Variants in F5 observed in about 807,000 individuals in gnomAD.
The protein encoded by F5 is coagulation factor V, also known as activated protein c cofactor.
In F5, 138 loss-of-function variants were observed where a neutral mutation model predicts 216.4. The observed-to-expected ratio is 0.64, with a 90% CI of 0.56 to 0.73. The LOEUF (loss-of-function observed/expected upper bound fraction) is 0.73, where lower values mean the gene tolerates loss of function less well. F5 is among the 30% of genes least tolerant of loss of function. The pLI, the probability that F5 is intolerant of heterozygous loss-of-function variation, is 0.00. For missense variants in F5, 2,403 were observed against 2,674.0 expected (o/e 0.90, Z 2.24); for synonymous variants, 916 against 930.7 (o/e 0.98, Z 0.29).
chr1:169,516,349 G>T (rs1247969069), intron 23 of F5, among the ~76,000 whole-genome samples: 1 of 152,144 alleles, frequency 6.6e-6, no homozygotes, highest in Non-Finnish European at 1.5e-5. Context: ...GAGTTTTAGA[G>T]TCATCTAAGA....
rs2101806725 is a variant in F5 at position 169,523,478 on chromosome 1, T to TA, written c.5893-127dup. ...AGCACATAAGATCTTAGCAAACTGA[T>TA]ACAATGACTACATGCAATTCATATT... On this transcript the variant is annotated intron_variant, in intron 20 of 24. Transcript: ENST00000367797. 6 of 1,064,450 alleles carry TA rather than the reference T, an allele frequency of 5.6e-6. No homozygotes were observed. In the South Asian group the frequency reaches 8.2e-5, roughly 14 times the overall value. The allele number at this position is 1,064,450 out of a possible 1,614,324, so 65.9% of individuals were successfully genotyped here.
Position 169,560,706 on chromosome 1 carries a change from C to T in F5, c.434G>A (p.Gly145Asp), listed in dbSNP as rs752741472. 4.5e-5 allele frequency: 72 copies of T among 1,613,430 alleles called. No individual in the cohort carries two copies. Among genetic ancestry groups the T allele is most frequent in the Non-Finnish European group, 6.0e-5 (71 of 1,179,796 alleles). ...ACTCCATTCATAGGTGTATTCTCGG[C>T]CTGGAGCCACAGCGTCGTCCATCTT... ...AEKMDDAVAP[G>D]REYTYEWSIS... Residue 145 changes from glycine (G) to aspartate (D), a missense_variant, in exon 4 of 25, where the codon GGC becomes GAC. By Grantham distance (94) the Gly-to-Asp change is moderately conservative. Transcript: ENST00000367797.
chr1:169,554,754 T>A (rs1256135152), intron 7 of F5, among the ~76,000 whole-genome samples: 1 of 152,246 alleles, frequency 6.6e-6, no homozygotes, highest in Non-Finnish European at 1.5e-5. Context: ...AAAGTAGTAT[T>A]CCCATGAAGT....
chr1:169,580,537 T>C (rs10753787), intron 2 of F5, among the ~76,000 whole-genome samples: 104,818 of 151,896 alleles, frequency 0.69, 37,741 homozygotes, highest in African/African-American at 0.89. Context: ...GCATGTACCA[T>C]CATGCACAAC....
rs1170891368 is a variant in F5 at position 169,586,383 on chromosome 1, A to G, written c.4T>C (p.Phe2Leu). 1.2e-6 allele frequency: 2 copies of G among 1,612,800 alleles called. No homozygotes were observed. Among genetic ancestry groups the G allele is most frequent in the Admixed American group, 3.3e-5 (2 of 59,988 alleles). The change falls in exon 1 of 25, where the codon TTC becomes CTC. Residue 2 changes from phenylalanine (F) to leucine (L), a missense_variant. Phe to Leu is a conservative substitution (Grantham distance 22). This residue lies in a region of F5 where 1,425 missense variants were observed against 1,554.8 expected (regional missense o/e 0.92). Coordinates refer to ENST00000367797, the MANE Select transcript of F5 (RefSeq NM_000130.5). Reference sequence around the variant, plus strand: ...ACCCAGAGGCGTGGGCAGCCTGGGAACATGCTTCCTTTCCTGCTCCCGCTG... The same window carrying G: ...ACCCAGAGGCGTGGGCAGCCTGGGAGCATGCTTCCTTTCCTGCTCCCGCTG... MFPGCPRLWVLV... is the reference protein window; with the variant it reads MLPGCPRLWVLV...
At chr1:169,572,635 C>G (rs548412218) in intron 2 of F5, among the ~76,000 whole-genome samples, 2 of 152,286 alleles carry the variant, frequency 1.3e-5, no homozygotes, top group Admixed American at 1.3e-4. Flanking sequence ...CACTGTCATT[C>G]CTTAGCAATA....
Position 169,513,788 on chromosome 1 carries a change from T to A in F5, c.*525A>T, listed in dbSNP as rs1335510640. Among the ~76,000 whole-genome samples, 1 of 152,076 alleles carries A rather than the reference T, an allele frequency of 6.6e-6. No homozygotes were observed. Among genetic ancestry groups the A allele is most frequent in the East Asian group, 1.9e-4 (1 of 5,196 alleles). On this transcript the variant is annotated 3_prime_UTR_variant, in exon 25 of 25. Coordinates refer to ENST00000367797, the MANE Select transcript of F5 (RefSeq NM_000130.5). The stretch of plus-strand genomic sequence containing the variant: ...GGCTACTGGAAAGATGCTTGGCTGT[T>A]TTTTTACTCATGGAAAGTCAGAAAA...
chr1:169,559,334 A>G (rs1194927502), intron 4 of F5, 38 bp from the exon 5 acceptor site: 1 of 1,611,076 alleles, frequency 6.2e-7, no homozygotes. Flanking sequence ...AGCACTGCAG[A>G]TAGAAGACGC....
At chr1:169,575,827 CGTCCTA>C (rs1660833909) in intron 2 of F5, among the ~76,000 whole-genome samples, 1 of 151,796 alleles carries the variant, frequency 6.6e-6, no homozygotes, top group Non-Finnish European at 1.5e-5. Flanking sequence ...GAGATGTCCA[CGTCCTA>C]ATCTCTGGGA....
chr1:169,572,210 A>T lies in F5; in HGVS notation c.373+11T>A. The T allele has an allele frequency of 6.2e-7, 1 of 1,610,966 alleles. No homozygotes were observed. Among genetic ancestry groups the T allele is most frequent in the Non-Finnish European group, 8.5e-7 (1 of 1,178,454 alleles). On this transcript the variant is annotated intron_variant, in intron 3 of 24. Transcript: ENST00000367797. ...TTTTCCCTTTTCAGAAAAATATTAG[A>T]TTTATCTTACCTTCTGATAATTTAC...
intron 21 of F5, 150 bp from the exon 22 acceptor site, chr1:169,520,814 T>G (rs1285231983): frequency 5.5e-6 from 4 of 725,878 alleles, no homozygotes; most frequent in Non-Finnish European, 9.1e-6. Context: ...TGGGGATAAT[T>G]CCAGTTCCAG....
At chr1:169,562,277 C>T (rs1660501169) in intron 3 of F5, among the ~76,000 whole-genome samples, 1 of 152,084 alleles carries the variant, frequency 6.6e-6, no homozygotes, top group African/African-American at 2.4e-5. Flanking sequence ...TCAATGGAAT[C>T]ATCATTACAC....
chr1:169,549,137 T>C (rs1660095194), intron 10 of F5, among the ~76,000 whole-genome samples: 1 of 152,228 alleles, frequency 6.6e-6, no homozygotes, highest in Non-Finnish European at 1.5e-5. Context: ...GTTTATTTTG[T>C]ATGCCTTGAG....
intron 24 of F5, 109 bp downstream of exon 24, chr1:169,515,334 AC>A: frequency 7.8e-7 from 1 of 1,278,022 alleles, no homozygotes; most frequent in East Asian, 2.3e-5. Flanking sequence ...GATTTAGAAG[AC>A]TTAAAGAGGT....
At chr1:169,555,153 GC>G in intron 7 of F5, 28 bp downstream of exon 7, 9 of 1,613,498 alleles carry the variant, frequency 5.6e-6, no homozygotes, top group Non-Finnish European at 7.6e-6. Context: ...TTGAACCTTT[GC>G]CCAGTGGTAT....
At chr1:169,555,013 T>G (rs911655336) in intron 7 of F5, among the ~76,000 whole-genome samples, 169 bp downstream of exon 7, 2 of 152,224 alleles carry the variant, frequency 1.3e-5, no homozygotes, top group Admixed American at 1.3e-4. Flanking sequence ...GCTGAATTTC[T>G]TTGGTGATTT....
intron 11 of F5, among the ~76,000 whole-genome samples, chr1:169,545,267 C>G (rs1379839324): frequency 2.0e-5 from 3 of 152,140 alleles, no homozygotes; most frequent in Non-Finnish European, 4.4e-5. Flanking sequence ...TGGTCTATAA[C>G]TGCATTGTTC....
chr1:169,552,229 G>A (rs1380305218), intron 8 of F5, among the ~76,000 whole-genome samples: 5 of 152,072 alleles, frequency 3.3e-5, no homozygotes, highest in Non-Finnish European at 7.4e-5. Context: ...TACACTGACT[G>A]CCATAAAGCT....
chr1:169,566,070 A>G (rs1267755088), intron 3 of F5, among the ~76,000 whole-genome samples: 1 of 152,164 alleles, frequency 6.6e-6, no homozygotes, highest in Non-Finnish European at 1.5e-5. Context: ...AACAAAGCAC[A>G]AACAGGACTG....
Sources: allele counts gnomAD v4.1 joint callset (sites outside exome capture counted in the v4.1 genomes callset), GRCh38; gene constraint gnomAD v4.1.1; regional missense constraint gnomAD v4.1.1; transcripts MANE v1.5; gene names NCBI Gene and HGNC (gene_info 2026-07-23, HGNC 2026-07-21).